Variants in AUTS2 observed in about 807,000 individuals in gnomAD.
AUTS2 encodes the protein autism susceptibility gene 2 protein.
Under a neutral mutation model 112.4 loss-of-function variants are expected in AUTS2, and 17 were observed. The observed-to-expected ratio is 0.15, with a 90% CI of 0.10 to 0.23. The LOEUF (loss-of-function observed/expected upper bound fraction) is 0.23. Among genes scored for constraint, AUTS2 ranks in the 10% least tolerant of loss-of-function variants. The pLI is 1.00. For synonymous variants in AUTS2, 751 were observed against 702.7 expected, an observed-to-expected ratio of 1.07 and a Z score of -1.09; for missense variants, 1,510 against 1,701.6, an observed-to-expected ratio of 0.89 and a Z score of 1.98.
chr7:69,600,091 C>T, intron 1 of AUTS2, 129 bp downstream of exon 1: 1 of 1,015,140 alleles, frequency 9.9e-7, no homozygotes, highest in Non-Finnish European at 1.4e-6. Context: ...TCTGTCTAGG[C>T]TGAGGTCTTA....
At chr7:70,558,233 C>T (rs1439489824) in intron 5 of AUTS2, among the ~76,000 whole-genome samples, 1 of 152,116 alleles carries the variant, frequency 6.6e-6, no homozygotes, top group Non-Finnish European at 1.5e-5. Context: ...GGTGTCCCTA[C>T]CCTCCAGCCC....
At chr7:70,221,318 C>A (rs1244694014) in intron 4 of AUTS2, among the ~76,000 whole-genome samples, 1 of 152,160 alleles carries the variant, frequency 6.6e-6, no homozygotes, top group Non-Finnish European at 1.5e-5. Flanking sequence ...TTTAAGCATG[C>A]ATATCATTAA....
At position 69,633,333 on chromosome 7, in the gene AUTS2, C is replaced by G. The variant is rs188379553; in HGVS notation, c.309+33371C>G. On this transcript the variant is annotated intron_variant, in intron 1 of 18. Transcript: ENST00000342771. The stretch of plus-strand genomic sequence containing the variant: ...CACCCACCCACACACACACACCCCC[C>G]ACAGTTTATCCATTTGCCTGTCGAC... Among the ~76,000 whole-genome samples the G allele has an allele frequency of 1.9e-3, 283 of 152,142 alleles. 3 individuals carry two copies. Among genetic ancestry groups the G allele is most frequent in the African/African-American group, 6.6e-3 (275 of 41,500 alleles).
In AUTS2 at chr7:70,781,753, G is replaced by A. The variant is rs747709136; in HGVS notation, c.2143G>A (p.Ala715Thr). 26 of 1,613,726 alleles carry A rather than the reference G, an allele frequency of 1.6e-5. No individual in the cohort carries two copies. The highest frequency in any genetic ancestry group is 1.6e-4 in the Middle Eastern group (1 of 6,084). ...ACGGCCTTCAACTTTGTTCTCTGCC[G>A]CTGGTGAGTGTGGGTTTGGGTGGGG... ...LARPSTLFSA[A>T]GAAHPTGTPF... Residue 715 changes from alanine (A) to threonine (T), a missense_variant, in exon 15 of 19, where the codon GCT becomes ACT. By Grantham distance (58) the Ala-to-Thr change is moderately conservative. Transcript: ENST00000342771.
rs572172462 is a variant in AUTS2 at position 69,598,633 on chromosome 7, A to AGCGGCG, written c.-1006_-1001dup. ...CTCCCTCAGGCGGGGCGGCGAGAGAAGCGGCGGCGGCGGCGGCGGCACACC... is the reference window on the plus strand; with the variant it reads ...CTCCCTCAGGCGGGGCGGCGAGAGAAGCGGCGGCGGCGGCGGCGGCGGCGGCACACC... On this transcript the variant is annotated 5_prime_UTR_variant, in exon 1 of 19. Transcript: ENST00000342771. 8 of 148,804 alleles carry AGCGGCG rather than the reference A, an allele frequency of 5.4e-5. No homozygotes were observed. Among genetic ancestry groups the AGCGGCG allele is most frequent in the East Asian group, 2.3e-4 (1 of 4,424 alleles). The allele number at this position is 148,804 out of a possible 1,614,324, so 9.2% of individuals were successfully genotyped here.
intron 4 of AUTS2, among the ~76,000 whole-genome samples, chr7:70,302,770 T>A (rs931437312): frequency 1.3e-5 from 2 of 152,130 alleles, no homozygotes; most frequent in African/African-American, 4.8e-5. Flanking sequence ...GTCTGGCTCA[T>A]CTCTTTTCTA....
rs918041691 is a variant in AUTS2, at chr7:70,134,650, GA to G, written c.660+87del. The stretch of plus-strand genomic sequence containing the variant: ...CTATAATGAATGCTCATTGGGATAT[GA>G]AAAAAAATCTGAGAATTTCTCTCTC... On this transcript the variant is annotated intron_variant, in intron 4 of 18. Coordinates refer to ENST00000342771, the MANE Select transcript of AUTS2 (RefSeq NM_015570.4). 2.7e-5 allele frequency: 35 copies of G among 1,317,666 alleles called. No individual in the cohort carries two copies. In the African/African-American group the frequency reaches 3.1e-4, roughly 12 times the overall value. The allele number at this position is 1,317,666 out of a possible 1,614,324, so 81.6% of individuals were successfully genotyped here.
At chr7:70,308,482 A>G (rs191131221) in intron 4 of AUTS2, among the ~76,000 whole-genome samples, 68 of 152,362 alleles carry the variant, frequency 4.5e-4, no homozygotes, top group African/African-American at 1.6e-3. Context: ...TTATTTTAAA[A>G]TTAAAGCTAG....
intron 1 of AUTS2, among the ~76,000 whole-genome samples, chr7:69,659,076 G>T (rs1048553785): frequency 6.6e-6 from 1 of 152,182 alleles, no homozygotes; most frequent in Admixed American, 6.5e-5. Flanking sequence ...TTGAAATCTG[G>T]CTTTTGTTTT....
intron 4 of AUTS2, among the ~76,000 whole-genome samples, chr7:70,150,625 CTGTGTT>C (rs1052540759): frequency 2.0e-5 from 3 of 152,256 alleles, no homozygotes; most frequent in Admixed American, 6.5e-5. Context: ...AGAAGCTTTT[CTGTGTT>C]TAACTGTACA....
At chr7:69,897,960 G>A (rs78060431) in intron 1 of AUTS2, among the ~76,000 whole-genome samples, 4,005 of 152,200 alleles carry the variant, frequency 0.026, 67 homozygotes, top group Middle Eastern at 0.11. Flanking sequence ...AAGGAGAAAT[G>A]AGTAAAAGGA....
intron 1 of AUTS2, among the ~76,000 whole-genome samples, chr7:69,675,835 C>A (rs747366032): frequency 6.6e-6 from 1 of 152,134 alleles, no homozygotes; most frequent in South Asian, 2.1e-4. Context: ...TTTGCACCCA[C>A]AGTCCCATGA....
At chr7:70,553,756 CTTT>C (rs1801114217) in intron 5 of AUTS2, among the ~76,000 whole-genome samples, 1 of 98,128 alleles carries the variant, frequency 1.0e-5, no homozygotes, top group Non-Finnish European at 2.1e-5. Context: ...AGAGGCCTTT[CTTT>C]CTTTTTTTTT....
At chr7:70,474,018 A>G (rs768410101) in intron 5 of AUTS2, among the ~76,000 whole-genome samples, 1 of 151,498 alleles carries the variant, frequency 6.6e-6, no homozygotes, top group Non-Finnish European at 1.5e-5. Context: ...TGCAGCCCCA[A>G]CTCTTTTGCC....
In AUTS2 at chr7:69,599,639, C is replaced by A; in HGVS notation, c.-15C>A. 1 of 1,281,014 alleles carries A rather than the reference C, an allele frequency of 7.8e-7. No individual in the cohort carries two copies. The allele number at this position is 1,281,014 out of a possible 1,614,324, so 79.4% of individuals were successfully genotyped here. A position where few individuals can be genotyped will look rare whatever the true frequency, so the allele number is the denominator to read the frequency against. ...CTGTGGCGGGCAAGCGGGGAGACCC[C>A]GGCGCAGCAGAACCATGGATGGCCC... is the stretch of plus-strand genomic sequence containing the variant. On this transcript the variant is annotated 5_prime_UTR_variant, in exon 1 of 19. Transcript: ENST00000342771. This position sits in a 1 kb window ranked among gnomAD's most constrained non-coding sequence, Gnocchi z 7.0.
At chr7:69,642,474 T>C (rs1237505776) in intron 1 of AUTS2, among the ~76,000 whole-genome samples, 1 of 152,244 alleles carries the variant, frequency 6.6e-6, no homozygotes, top group African/African-American at 2.4e-5. Context: ...TACTTTGATA[T>C]ATACTTTTTG....
chr7:70,589,257 C>A (rs571119370), intron 5 of AUTS2, among the ~76,000 whole-genome samples: 55 of 148,296 alleles, frequency 3.7e-4, no homozygotes, highest in African/African-American at 1.3e-3. Context: ...AATTCTCTTT[C>A]TCCACTCCTC....
intron 5 of AUTS2, among the ~76,000 whole-genome samples, chr7:70,697,560 T>TCCCCC (rs10636908): frequency 4.9e-4 from 63 of 127,778 alleles, no homozygotes; most frequent in South Asian, 1.2e-3. Context: ...ACTTCAGAAT[T>TCCCCC]CCCCCCCCCC....
Position 70,546,352 on chromosome 7 carries a change from G to A in AUTS2, c.690+110571G>A, listed in dbSNP as rs188646598. 1.8e-3 allele frequency among the ~76,000 whole-genome samples: 274 copies of A among 152,304 alleles called. 4 individuals are homozygous for A. Among genetic ancestry groups the A allele is most frequent in the Admixed American group, 5.9e-3 (90 of 15,306 alleles). On this transcript the variant is annotated intron_variant, in intron 5 of 18. Transcript: ENST00000342771. ...CCAGCTACTTGGGAAGTTGAGGCAG[G>A]AGAATCGCTTGAACCCGGGAGGTGG...
Sources: gnomAD v4.1 joint callset for allele counts (sites outside exome capture counted in the v4.1 genomes callset) on GRCh38, gnomAD v4.1.1 for gene constraint, Gnocchi (gnomAD v3.1) non-coding constraint, MANE v1.5 for transcripts, NCBI Gene and HGNC (gene_info 2026-07-23, HGNC 2026-07-21) for gene names.